The following PGK1 variants were observed in gnomAD, a reference collection of about 807,000 sequenced individuals.
PGK1 encodes PRP 2.
Under a neutral mutation model 26.9 loss-of-function variants are expected in PGK1, and 3 were observed. The ratio of observed to expected loss-of-function variants is 0.11; its 90% CI spans 0.05 to 0.29. PGK1 has a LOEUF of 0.29. Ranked by LOEUF, PGK1 falls within the 10% of genes least tolerant of loss-of-function variation. The probability of loss-of-function intolerance (pLI) is 1.00; values close to 1 mark genes in which losing one functional copy is unlikely to be tolerated. For synonymous variants in PGK1, 125 were observed against 115.3 expected (o/e 1.08, Z -0.54); for missense variants, 270 against 314.7 (o/e 0.86, Z 1.07).
intron 4 of PGK1, 75 bp downstream of exon 4, chrX:78,114,235 A>C: frequency 2.0e-6 from 2 of 1,012,386 alleles, no homozygotes; most frequent in African/African-American, 1.9e-5. Flanking sequence ...AGAATAGAGA[A>C]AGCTCATTTA....
At chrX:78,111,368 C>T (rs2078300444) in intron 2 of PGK1, among the ~76,000 whole-genome samples, 1 of 112,554 alleles carries the variant, frequency 8.9e-6, no homozygotes, top group Non-Finnish European at 1.9e-5. Context: ...GCATGAGTCA[C>T]TGTGCTCCGC....
chrX:78,104,900 G>C (rs782374090), intron 1 of PGK1, among the ~76,000 whole-genome samples: 3 of 111,358 alleles, frequency 2.7e-5, no homozygotes, highest in Non-Finnish European at 5.7e-5. Flanking sequence ...TTAACTTCAG[G>C]AGTAGACCCC....
At chrX:78,106,726 GT>G in intron 1 of PGK1, 1 of 523,807 alleles carries the variant, frequency 1.9e-6, no homozygotes, top group Non-Finnish European at 2.3e-6. Context: ...TTCCATCTTA[GT>G]TTTTTAGGAC....
Position 78,104,395 on chromosome X carries a change from G to T in PGK1, c.55G>T (p.Val19Phe). ...LDKLDVKGKRVVMRVDFNVPM... is the reference protein window; with the variant it reads ...LDKLDVKGKRFVMRVDFNVPM... The stretch of plus-strand genomic sequence containing the variant: ...CAAGCTGGACGTTAAAGGGAAGCGG[G>T]TCGTTATGAGGTAATTCTGCACGTT... The change falls in exon 1 of 11, where the codon GTC (valine) becomes TTC (phenylalanine). Residue 19 changes from valine to phenylalanine, a missense_variant. Physicochemically the swap from Val to Phe is conservative, Grantham distance 50. Transcript: ENST00000373316. 1.7e-6 allele frequency: 2 copies of T among 1,197,830 alleles called. No individual in the cohort carries two copies. The highest frequency in any genetic ancestry group is 2.3e-6 in the Non-Finnish European group (2 of 882,570).
At chrX:78,107,511 C>G (rs782809293) in intron 1 of PGK1, among the ~76,000 whole-genome samples, 1 of 112,137 alleles carries the variant, frequency 8.9e-6, no homozygotes, top group Non-Finnish European at 1.9e-5. Context: ...TTGGGATTAA[C>G]TTTTTTCACT....
chrX:78,116,485 G>A (rs1483347875), intron 4 of PGK1, among the ~76,000 whole-genome samples: 4 of 112,011 alleles, frequency 3.6e-5, no homozygotes. Context: ...TAGGAGCATA[G>A]GAGTGGGCAG....
chrX:78,117,993 A>C, intron 5 of PGK1, 58 bp from the exon 6 acceptor site: 1 of 1,093,397 alleles, frequency 9.1e-7, no homozygotes, highest in Non-Finnish European at 1.3e-6. Flanking sequence ...GCTGGCCTCT[A>C]GGACTAGGAG....
In PGK1 at chrX:78,126,574, C is replaced by T. The variant is rs2078384703; in HGVS notation, c.*744C>T. 1 of 111,796 alleles carries T rather than the reference C, an allele frequency of 8.9e-6. No homozygotes were observed. The highest frequency in any genetic ancestry group is 3.7e-4 in the South Asian group (1 of 2,694). The allele number at this position is 111,796 out of a possible 1,213,427, so 9.2% of individuals were successfully genotyped here. ...CAAGATTCCCACTCCCCAGAGGTGACCACTTTCAACTCTTGAGTTTTTCAG... is the reference window on the plus strand; with the variant it reads ...CAAGATTCCCACTCCCCAGAGGTGATCACTTTCAACTCTTGAGTTTTTCAG... On this transcript the variant is annotated 3_prime_UTR_variant, in exon 11 of 11. Coordinates refer to ENST00000373316, the MANE Select transcript of PGK1 (RefSeq NM_000291.4).
chrX:78,105,592 A>C (rs781899360), intron 1 of PGK1, among the ~76,000 whole-genome samples: 4 of 111,462 alleles, frequency 3.6e-5, no homozygotes, highest in Non-Finnish European at 5.7e-5. Context: ...CTTTACTCTA[A>C]CTTTAAACAT....
At chrX:78,122,801 T>G in intron 6 of PGK1, 34 bp from the exon 7 acceptor site, 2 of 828,144 alleles carry the variant, frequency 2.4e-6, no homozygotes, top group Non-Finnish European at 3.7e-6. Context: ...TAGTCCATTC[T>G]TCTTTAAGTG....
intron 2 of PGK1, among the ~76,000 whole-genome samples, chrX:78,112,209 T>C (rs2078304864): frequency 9.0e-6 from 1 of 111,562 alleles, no homozygotes; most frequent in Non-Finnish European, 1.9e-5. Flanking sequence ...CCATCTGATA[T>C]ATTACATGTA....
intron 6 of PGK1, among the ~76,000 whole-genome samples, chrX:78,122,099 T>C (rs1234998858): frequency 5.4e-5 from 6 of 110,711 alleles, no homozygotes; most frequent in Non-Finnish European, 7.6e-5. Context: ...TCGCAGCTAC[T>C]TGAGAGGCTG....
At position 78,128,889 on chromosome X, in the gene PGK1, A is replaced by G. The variant is rs1557249015; in HGVS notation, c.*3059A>G. ...ACCTCTGGAAGACCAGTTTCTTTCA[A>G]TCTAAGGCTATTTAATATACATTAA... is the stretch of plus-strand genomic sequence containing the variant. On this transcript the variant is annotated 3_prime_UTR_variant, in exon 11 of 11. Transcript: ENST00000373316. The G allele has an allele frequency of 9.0e-6, 1 of 111,234 alleles. No individual in the cohort carries two copies. Among genetic ancestry groups the G allele is most frequent in the Non-Finnish European group, 1.9e-5 (1 of 53,056 alleles). 9.2% of individuals were successfully genotyped at this position (111,234 alleles called of 1,213,427 possible).
intron 1 of PGK1, chrX:78,106,250 C>A: frequency 5.7e-6 from 1 of 175,927 alleles, no homozygotes; most frequent in Non-Finnish European, 9.0e-6. Context: ...ACTGAACTAC[C>A]AAGTTGGTGG....
chrX:78,108,468 G>T (rs782079851), intron 1 of PGK1, among the ~76,000 whole-genome samples: 28 of 112,249 alleles, frequency 2.5e-4, no homozygotes, highest in Non-Finnish European at 2.1e-4. Context: ...TTTCATCAGA[G>T]GCTTACTGCC....
chrX:78,113,338 C>G (rs782639943), intron 2 of PGK1, among the ~76,000 whole-genome samples: 5 of 111,558 alleles, frequency 4.5e-5, no homozygotes, highest in South Asian at 3.8e-4. Flanking sequence ...TTCTAGACTT[C>G]TAGAGTGGGG....
chrX:78,119,808 A>G (rs1285122880), intron 6 of PGK1, among the ~76,000 whole-genome samples: 1 of 112,126 alleles, frequency 8.9e-6, no homozygotes, highest in Admixed American at 9.5e-5. Flanking sequence ...CTGTGAGTCA[A>G]TTTAACCTTT....
chrX:78,117,339 G>A lies in PGK1; in HGVS notation c.445G>A (p.Ala149Thr), dbSNP rs2078331470. 3.3e-6 allele frequency: 4 copies of A among 1,207,672 alleles called. No homozygotes were observed. The East Asian group carries it at 1.2e-4, about 36-fold the overall frequency. The stretch of plus-strand genomic sequence containing the variant: ...TAAAGCCGAGCCAGCCAAAATAGAA[G>A]CTTTCCGAGCTTCACTTTCCAAGCT... ...KVKAEPAKIE[A>T]FRASLSKLGD... is the part of the protein sequence containing the mutation. The change falls in exon 5 of 11, where the codon GCT (alanine) becomes ACT (threonine). Residue 149 changes from alanine (A) to threonine (T), a missense_variant. By Grantham distance (58) the Ala-to-Thr change is moderately conservative (BLOSUM62 0). Coordinates refer to ENST00000373316, the MANE Select transcript of PGK1 (RefSeq NM_000291.4).
At chrX:78,122,097 A>G (rs1557248086) in intron 6 of PGK1, among the ~76,000 whole-genome samples, 1 of 110,855 alleles carries the variant, frequency 9.0e-6, no homozygotes, top group Admixed American at 9.6e-5. Flanking sequence ...GGTCGCAGCT[A>G]CTTGAGAGGC....
Sources: allele counts gnomAD v4.1 joint callset (sites outside exome capture counted in the v4.1 genomes callset), GRCh38; gene constraint gnomAD v4.1.1; transcripts MANE v1.5; gene names NCBI Gene and HGNC (gene_info 2026-07-23, HGNC 2026-07-21).